The following GPC6 variants were observed in gnomAD, a reference collection of about 807,000 sequenced individuals.
GPC6 encodes glypican-6.
A neutral mutation model predicts 55.2 loss-of-function variants in GPC6; 14 were observed. The observed-to-expected ratio is 0.25, with a 90% CI of 0.17 to 0.40. GPC6 has a LOEUF of 0.40. Among genes scored for constraint, GPC6 ranks in the 10% least tolerant of loss-of-function variants. The probability of loss-of-function intolerance (pLI) is 1.00; values close to 1 mark genes in which losing one functional copy is unlikely to be tolerated. For missense variants in GPC6, 641 were observed against 708.5 expected, an observed-to-expected ratio of 0.90 and a Z score of 1.08; for synonymous variants, 278 against 259.6, an observed-to-expected ratio of 1.07 and a Z score of -0.68.
intron 4 of GPC6, among the ~76,000 whole-genome samples, chr13:94,029,952 C>T (rs188875293): frequency 5.1e-4 from 78 of 151,628 alleles, no homozygotes; most frequent in Non-Finnish European, 4.6e-4. Flanking sequence ...TAATGAAAAG[C>T]AAGCGTGGTG....
At chr13:93,726,101 CAT>C (rs1321919097) in intron 2 of GPC6, among the ~76,000 whole-genome samples, 5 of 102,046 alleles carry the variant, frequency 4.9e-5, no homozygotes, top group Admixed American at 1.2e-4. Flanking sequence ...CTTTTTCCTT[CAT>C]ACACACACAC....
chr13:93,818,032 TTTAA>T (rs949486071), intron 2 of GPC6, among the ~76,000 whole-genome samples: 100 of 147,478 alleles, frequency 6.8e-4, no homozygotes, highest in Admixed American at 1.6e-3. Flanking sequence ...TATAGATGTA[TTTAA>T]TTATACAGTA....
At chr13:93,746,515 G>A (rs1208034819) in intron 2 of GPC6, among the ~76,000 whole-genome samples, 1 of 152,088 alleles carries the variant, frequency 6.6e-6, no homozygotes, top group African/African-American at 2.4e-5. Flanking sequence ...AAAAATGTGA[G>A]CAAGCATACA....
chr13:93,941,776 G>A (rs1011313794), intron 3 of GPC6, among the ~76,000 whole-genome samples: 2 of 152,104 alleles, frequency 1.3e-5, no homozygotes, highest in African/African-American at 4.8e-5. Flanking sequence ...GACTTATTTT[G>A]TAGGACATTG....
At chr13:93,994,443 C>T (rs1433572528) in intron 3 of GPC6, among the ~76,000 whole-genome samples, 1 of 152,124 alleles carries the variant, frequency 6.6e-6, no homozygotes, top group Non-Finnish European at 1.5e-5. Flanking sequence ...TCCTATAGAG[C>T]ACATTTTTGG....
intron 1 of GPC6, among the ~76,000 whole-genome samples, chr13:93,334,407 A>T (rs1021828895): frequency 6.6e-6 from 1 of 152,162 alleles, no homozygotes; most frequent in Non-Finnish European, 1.5e-5. Context: ...TTAGGATTAT[A>T]TTGAATCTAT....
chr13:93,574,114 A>G (rs1478909038), intron 2 of GPC6, among the ~76,000 whole-genome samples: 1 of 152,178 alleles, frequency 6.6e-6, no homozygotes, highest in Non-Finnish European at 1.5e-5. Context: ...TTATTGAGAT[A>G]TAATTTGCAT....
chr13:94,253,584 T>C (rs1247083810), intron 4 of GPC6, among the ~76,000 whole-genome samples: 1 of 152,164 alleles, frequency 6.6e-6, no homozygotes, highest in Non-Finnish European at 1.5e-5. Context: ...TGAGCTTCCC[T>C]GTTCCCAAGA....
At chr13:93,401,539 C>T (rs577289333) in intron 1 of GPC6, among the ~76,000 whole-genome samples, 7 of 144,998 alleles carry the variant, frequency 4.8e-5, no homozygotes, top group African/African-American at 7.4e-5. Context: ...AAAAAAAAAG[C>T]GATATTGTTT....
intron 3 of GPC6, among the ~76,000 whole-genome samples, chr13:93,888,004 C>T (rs1875449451): frequency 6.6e-6 from 1 of 152,076 alleles, no homozygotes; most frequent in African/African-American, 2.4e-5. Flanking sequence ...GTCACATGAC[C>T]TGTGTAAAGC....
intron 1 of GPC6, among the ~76,000 whole-genome samples, chr13:93,231,179 T>C (rs1422981405): frequency 6.6e-6 from 1 of 151,502 alleles, no homozygotes; most frequent in Non-Finnish European, 1.5e-5. Context: ...TACTAGTAAG[T>C]AATGAGGCTG....
At chr13:93,476,994 G>A (rs1879324756) in intron 1 of GPC6, among the ~76,000 whole-genome samples, 2 of 151,936 alleles carry the variant, frequency 1.3e-5, no homozygotes, top group African/African-American at 4.8e-5. Flanking sequence ...CTTTCTAAAT[G>A]AGCTGATATC....
At chr13:93,616,787 G>A (rs1365342059) in intron 2 of GPC6, among the ~76,000 whole-genome samples, 1 of 152,026 alleles carries the variant, frequency 6.6e-6, no homozygotes, top group Non-Finnish European at 1.5e-5. Context: ...CATTTATGAG[G>A]TATGTAGAGC....
intron 2 of GPC6, among the ~76,000 whole-genome samples, chr13:93,811,221 A>G (rs1886684793): frequency 6.6e-6 from 1 of 152,236 alleles, no homozygotes; most frequent in Non-Finnish European, 1.5e-5. Context: ...CCTGTTCTTG[A>G]AAAGAGTCAG....
At position 94,406,450 on chromosome 13, in the gene GPC6, AATCTGT is replaced by A. The variant is rs1311958186; in HGVS notation, c.*3234_*3239del. 1 of 152,126 alleles carries A rather than the reference AATCTGT, an allele frequency of 6.6e-6. No individual in the cohort carries two copies. Among genetic ancestry groups the A allele is most frequent in the East Asian group, 1.9e-4 (1 of 5,188 alleles). 9.4% of individuals were successfully genotyped at this position (152,126 alleles called of 1,614,324 possible). A position where few individuals can be genotyped will look rare whatever the true frequency, so the allele number is the denominator to read the frequency against. ...GCCATCGTAGAACATTAGCACTAGA[AATCTGT>A]CTCCCTTACAATGACTTACCTAGCT... On this transcript the variant is annotated 3_prime_UTR_variant, in exon 9 of 9. Coordinates refer to ENST00000377047, the MANE Select transcript of GPC6 (RefSeq NM_005708.5).
chr13:93,324,412 TAACTAAAAGAGTATAA>T (rs1879565856), intron 1 of GPC6, among the ~76,000 whole-genome samples: 1 of 151,708 alleles, frequency 6.6e-6, no homozygotes, highest in Non-Finnish European at 1.5e-5. Flanking sequence ...TAATTTAAAA[TAACTAAAAGAGTATAA>T]TTGGATTGTT....
intron 3 of GPC6, among the ~76,000 whole-genome samples, chr13:93,985,813 G>A (rs1330937145): frequency 6.6e-6 from 1 of 151,740 alleles, no homozygotes; most frequent in Non-Finnish European, 1.5e-5. Flanking sequence ...AGCCATGCCA[G>A]GCTATAGAAA....
intron 1 of GPC6, among the ~76,000 whole-genome samples, chr13:93,228,832 AT>A (rs1875912917): frequency 6.6e-6 from 1 of 152,184 alleles, no homozygotes; most frequent in Non-Finnish European, 1.5e-5. Context: ...TTTTGCAGAT[AT>A]CTTAGAACAT....
chr13:93,391,086 T>C (rs868057466), intron 1 of GPC6, among the ~76,000 whole-genome samples: 32 of 152,202 alleles, frequency 2.1e-4, no homozygotes, highest in African/African-American at 6.7e-4. Context: ...ATCACCAAGT[T>C]TGTTATAATG....
Sources: allele counts gnomAD v4.1 joint callset (sites outside exome capture counted in the v4.1 genomes callset), GRCh38; gene constraint gnomAD v4.1.1; transcripts MANE v1.5; gene names NCBI Gene and HGNC (gene_info 2026-07-23, HGNC 2026-07-21).